Variants in SYCP2L observed in about 807,000 individuals in gnomAD.
SYCP2L encodes synaptonemal complex protein 2 like.
In SYCP2L, 98 loss-of-function variants were observed where a neutral mutation model predicts 125.8. The ratio of observed to expected loss-of-function variants is 0.78; its 90% CI spans 0.66 to 0.92. The LOEUF (loss-of-function observed/expected upper bound fraction) is 0.92. SYCP2L is among the 40% of genes least tolerant of loss of function. SYCP2L has a pLI of 0.00. For synonymous variants in SYCP2L, 317 were observed against 325.4 expected (o/e 0.97, Z 0.28); for missense variants, 842 against 936.4 (o/e 0.90, Z 1.32).
At chr6:10,905,009 G>A (rs1205568383) in intron 8 of SYCP2L, among the ~76,000 whole-genome samples, 8 of 151,018 alleles carry the variant, frequency 5.3e-5, no homozygotes, top group Non-Finnish European at 5.9e-5. Flanking sequence ...TGGGTGTGGC[G>A]GGCACCTGTA....
At chr6:10,887,231 T>C in intron 1 of SYCP2L, 96 bp downstream of exon 1, 2 of 1,546,752 alleles carry the variant, frequency 1.3e-6, no homozygotes, top group Non-Finnish European at 1.8e-6. Flanking sequence ...CGCCTTGAGG[T>C]GTTCGCTCAG....
intron 29 of SYCP2L, among the ~76,000 whole-genome samples, chr6:10,973,501 C>T (rs1166125658): frequency 6.6e-6 from 1 of 152,172 alleles, no homozygotes; most frequent in African/African-American, 2.4e-5. Flanking sequence ...CACTGCACTC[C>T]AGCCTTGCGA....
At chr6:10,955,636 T>C (rs1225750) in intron 24 of SYCP2L, among the ~76,000 whole-genome samples, 140,660 of 152,056 alleles carry the variant, frequency 0.93, 65,558 homozygotes, top group Non-Finnish European at 0.99. Flanking sequence ...AGGGCTCCAA[T>C]GCAACAGATT....
chr6:10,918,529 C>G (rs1260263663), intron 14 of SYCP2L, among the ~76,000 whole-genome samples: 1 of 145,724 alleles, frequency 6.9e-6, no homozygotes, highest in East Asian at 2.2e-4. Context: ...TCTTCGGGCT[C>G]TGACTTTTTT....
chr6:10,927,463 G>C, intron 17 of SYCP2L, 96 bp downstream of exon 17: 1 of 902,118 alleles, frequency 1.1e-6, no homozygotes, highest in Non-Finnish European at 1.7e-6. Flanking sequence ...GCATCCAGGG[G>C]AGACATCACA....
chr6:10,968,216 G>T (rs1781711385), intron 29 of SYCP2L, among the ~76,000 whole-genome samples: 2 of 152,200 alleles, frequency 1.3e-5, no homozygotes, highest in African/African-American at 4.8e-5. Context: ...ATGATAACAG[G>T]TTGGGGTGCA....
At chr6:10,931,359 G>C in intron 19 of SYCP2L, 81 bp from the exon 20 acceptor site, 1 of 1,370,504 alleles carries the variant, frequency 7.3e-7, no homozygotes, top group Non-Finnish European at 1.0e-6. Flanking sequence ...TTTAGTGTTA[G>C]CATATTGGGA....
intron 23 of SYCP2L, among the ~76,000 whole-genome samples, chr6:10,943,704 T>C (rs1003256881): frequency 6.6e-6 from 1 of 152,224 alleles, no homozygotes; most frequent in African/African-American, 2.4e-5. Context: ...ATGACTTTTG[T>C]AAACATCCTT....
chr6:10,968,032 G>C (rs1219130555), intron 29 of SYCP2L, among the ~76,000 whole-genome samples: 1 of 152,278 alleles, frequency 6.6e-6, no homozygotes, highest in African/African-American at 2.4e-5. Flanking sequence ...TTGTCTGACA[G>C]GGAAAGAGAA....
At chr6:10,972,319 T>G (rs554718821) in intron 29 of SYCP2L, among the ~76,000 whole-genome samples, 1 of 152,218 alleles carries the variant, frequency 6.6e-6, no homozygotes, top group African/African-American at 2.4e-5. Context: ...TAATCTGGGC[T>G]AAGAATATTG....
Position 10,926,341 on chromosome 6 carries a change from G to C in SYCP2L, c.1221G>C (p.Met407Ile). The change falls in exon 16 of 30, where the codon ATG becomes ATC. Residue 407 changes from methionine to isoleucine, a missense_variant and splice_region_variant. Coordinates refer to ENST00000283141, the MANE Select transcript of SYCP2L (RefSeq NM_001040274.3). ...SIQALGEDKQ[M>I]LPDQTKISSE... ...TTGACCTTTGTCTTGCATTTCAGAT[G>C]TTGCCTGACCAGACGAAAATCTCCT... is the stretch of plus-strand genomic sequence containing the variant. 1 of 1,610,414 alleles carries C rather than the reference G, an allele frequency of 6.2e-7. No homozygotes were observed. Among genetic ancestry groups the C allele is most frequent in the South Asian group, 1.1e-5 (1 of 90,746 alleles).
chr6:10,938,174 A>T (rs576721174), intron 21 of SYCP2L, among the ~76,000 whole-genome samples: 94 of 152,280 alleles, frequency 6.2e-4, no homozygotes, highest in African/African-American at 2.0e-3. Flanking sequence ...AAATACTAGC[A>T]AAACTTACTA....
chr6:10,896,523 A>C (rs1279513164), intron 4 of SYCP2L, among the ~76,000 whole-genome samples: 1 of 152,186 alleles, frequency 6.6e-6, no homozygotes, highest in Non-Finnish European at 1.5e-5. Flanking sequence ...GAGTATGAAC[A>C]TAGGGAGGGA....
At chr6:10,929,512 A>G (rs754197759) in intron 18 of SYCP2L, among the ~76,000 whole-genome samples, 3 of 152,276 alleles carry the variant, frequency 2.0e-5, no homozygotes, top group African/African-American at 4.8e-5. Context: ...ATGTAAGAAC[A>G]GAAAAATTTT....
At chr6:10,896,418 T>G (rs1445070226) in intron 4 of SYCP2L, among the ~76,000 whole-genome samples, 2 of 152,066 alleles carry the variant, frequency 1.3e-5, no homozygotes, top group Non-Finnish European at 2.9e-5. Flanking sequence ...AACCAGTATA[T>G]TTGGGAGGGT....
intron 12 of SYCP2L, among the ~76,000 whole-genome samples, chr6:10,911,658 T>C (rs1255520570): frequency 6.6e-6 from 1 of 152,176 alleles, no homozygotes; most frequent in Non-Finnish European, 1.5e-5. Flanking sequence ...CTGTTTGGTT[T>C]TTCTTCTTTC....
At chr6:10,942,857 A>G (rs1213477056) in intron 23 of SYCP2L, 111 bp downstream of exon 23, 6 of 970,074 alleles carry the variant, frequency 6.2e-6, no homozygotes, top group Non-Finnish European at 1.5e-6. Context: ...TTGCACAGTG[A>G]CTATTGCCAG....
At chr6:10,931,374 G>T in intron 19 of SYCP2L, 66 bp from the exon 20 acceptor site, 2 of 1,502,894 alleles carry the variant, frequency 1.3e-6, no homozygotes, top group Non-Finnish European at 9.3e-7. Flanking sequence ...TTGGGAGACG[G>T]AGTAGAGAAT....
intron 29 of SYCP2L, among the ~76,000 whole-genome samples, chr6:10,964,211 C>T (rs1781641734): frequency 6.6e-6 from 1 of 152,186 alleles, no homozygotes; most frequent in Non-Finnish European, 1.5e-5. Context: ...CCTGTCCTGG[C>T]CTCCCAAAGT....
Sources: gnomAD v4.1 joint callset for allele counts (sites outside exome capture counted in the v4.1 genomes callset) on GRCh38, gnomAD v4.1.1 for gene constraint, MANE v1.5 for transcripts, NCBI Gene and HGNC (gene_info 2026-07-23, HGNC 2026-07-21) for gene names.